The following BCL11B variants were observed in gnomAD, a reference collection of about 807,000 sequenced individuals.
BCL11B encodes B-cell lymphoma/leukemia 11B.
A neutral mutation model predicts 49.9 loss-of-function variants in BCL11B; 8 were observed. The observed-to-expected ratio is 0.16, with a 90% CI of 0.09 to 0.29. BCL11B has a LOEUF of 0.29. Ranked by LOEUF, BCL11B falls within the 10% of genes least tolerant of loss-of-function variation. BCL11B has a pLI of 1.00. For synonymous variants in BCL11B, 739 were observed against 637.4 expected, an observed-to-expected ratio of 1.16 and a Z score of -2.40; for missense variants, 1,006 against 1,351.0, an observed-to-expected ratio of 0.74 and a Z score of 4.00.
At position 99,172,576 on chromosome 14, in the gene BCL11B, T is replaced by C. The variant is rs1482272706; in HGVS notation, c.*1575A>G. The C allele has an allele frequency of 9.6e-6, 2 of 208,744 alleles. No homozygotes were observed. Among genetic ancestry groups the C allele is most frequent in the African/African-American group, 4.6e-5 (2 of 43,914 alleles). 12.9% of individuals were successfully genotyped at this position (208,744 alleles called of 1,614,324 possible). Reference sequence around the variant, plus strand: ...GCACTCACATCAAATTGAATGGCAGTAGAAAAACTGTCCTATAAATTATTA... The same window carrying C: ...GCACTCACATCAAATTGAATGGCAGCAGAAAAACTGTCCTATAAATTATTA... On this transcript the variant is annotated 3_prime_UTR_variant, in exon 4 of 4. Transcript: ENST00000357195.
chr14:99,260,699 G>T (rs1208558240), intron 1 of BCL11B, among the ~76,000 whole-genome samples: 1 of 148,572 alleles, frequency 6.7e-6, no homozygotes, highest in African/African-American at 2.5e-5. Context: ...TCCTTTTTTT[G>T]GCAGTCTCTG....
rs532526086 is a variant in BCL11B at position 99,206,044 on chromosome 14, T to C, written c.640+25301A>G. Among the ~76,000 whole-genome samples, 6 of 152,194 alleles carry C rather than the reference T, an allele frequency of 3.9e-5. No individual in the cohort carries two copies. In the East Asian group the frequency reaches 7.7e-4, roughly 20 times the overall value. ...ACCTGAGCCAGCAAGGTTCATCCAA[T>C]GGAGGCCAGGGCCAGAGGCCTCCTG... On this transcript the variant is annotated intron_variant, in intron 3 of 3. Coordinates refer to ENST00000357195, the MANE Select transcript of BCL11B (RefSeq NM_138576.4).
At position 99,242,499 on chromosome 14, in the gene BCL11B, C is replaced by G. The variant is rs986167292; in HGVS notation, c.428-10942G>C. On this transcript the variant is annotated intron_variant, in intron 2 of 3. Transcript: ENST00000357195. The surrounding 1 kb of genome is among the most constrained non-coding windows in gnomAD (Gnocchi z 4.4). ...GCTCCTGGCTCCAAGCCTGCACCAT[C>G]GCAGACTCCAGGTATCTGCCGTTCC... 5.3e-5 allele frequency among the ~76,000 whole-genome samples: 8 copies of G among 152,184 alleles called. No homozygotes were observed. Among genetic ancestry groups the G allele is most frequent in the Admixed American group, 3.9e-4 (6 of 15,290 alleles).
chr14:99,216,685 G>C (rs183136655), intron 3 of BCL11B, among the ~76,000 whole-genome samples: 1 of 152,286 alleles, frequency 6.6e-6, no homozygotes, highest in Admixed American at 6.5e-5. Flanking sequence ...AGAAAGTTCA[G>C]GGAAGAAAAA....
At chr14:99,268,683 G>C (rs1889558305) in intron 1 of BCL11B, among the ~76,000 whole-genome samples, 1 of 152,084 alleles carries the variant, frequency 6.6e-6, no homozygotes, top group Non-Finnish European at 1.5e-5. Context: ...AGCTGCTTTT[G>C]GATAATAAAT....
chr14:99,227,052 G>A (rs1471834327), intron 3 of BCL11B, among the ~76,000 whole-genome samples: 2 of 152,172 alleles, frequency 1.3e-5, no homozygotes, highest in African/African-American at 4.8e-5. Flanking sequence ...ACTTCACCAA[G>A]TACACATATT....
chr14:99,261,504 AC>A (rs1316056813), intron 1 of BCL11B, among the ~76,000 whole-genome samples: 2 of 152,158 alleles, frequency 1.3e-5, no homozygotes, highest in Non-Finnish European at 2.9e-5. Flanking sequence ...CCAACCTGCC[AC>A]CCAGAGACGA....
chr14:99,268,424 GATAAAGATGTACC>G (rs1443141354), intron 1 of BCL11B, among the ~76,000 whole-genome samples: 1 of 152,098 alleles, frequency 6.6e-6, no homozygotes, highest in Non-Finnish European at 1.5e-5. Context: ...CCACCCAACT[GATAAAGATGTACC>G]ATGTTTTAAG....
intron 3 of BCL11B, among the ~76,000 whole-genome samples, chr14:99,181,681 C>T (rs993944235): frequency 2.6e-5 from 4 of 152,202 alleles, no homozygotes; most frequent in African/African-American, 7.2e-5. Context: ...GAAGGGGAGA[C>T]GTTTCACAGA....
At chr14:99,196,618 G>C (rs893275022) in intron 3 of BCL11B, among the ~76,000 whole-genome samples, 24 of 152,306 alleles carry the variant, frequency 1.6e-4, no homozygotes, top group African/African-American at 5.3e-4. Flanking sequence ...TGTCTTGACA[G>C]ATGCCCCCCA....
At chr14:99,255,023 T>C (rs1413569130) in intron 2 of BCL11B, among the ~76,000 whole-genome samples, 4 of 152,338 alleles carry the variant, frequency 2.6e-5, no homozygotes, top group South Asian at 4.1e-4. Context: ...GCTCCCACCA[T>C]ATTAAATTAC....
In BCL11B at chr14:99,194,098, G is replaced by T; in HGVS notation, c.641-17903C>A. 6.6e-6 allele frequency among the ~76,000 whole-genome samples: 1 copy of T among 152,284 alleles called. No homozygotes were observed. The highest frequency in any genetic ancestry group is 3.4e-3 in the Middle Eastern group (1 of 294). ...TGATTTTGCAAGGAATGGGAATGTCGTGAGAAACGTGCATGACCCCACACA... is the reference window on the plus strand; with the variant it reads ...TGATTTTGCAAGGAATGGGAATGTCTTGAGAAACGTGCATGACCCCACACA... On this transcript the variant is annotated intron_variant, in intron 3 of 3. Coordinates refer to ENST00000357195, the MANE Select transcript of BCL11B (RefSeq NM_138576.4). This position sits in a 1 kb window ranked among gnomAD's most constrained non-coding sequence, Gnocchi z 4.6.
chr14:99,197,862 A>G (rs954190040), intron 3 of BCL11B, among the ~76,000 whole-genome samples: 2 of 152,094 alleles, frequency 1.3e-5, no homozygotes, highest in African/African-American at 4.8e-5. Context: ...CCAGAAGAGG[A>G]CAGCAGACTC....
At chr14:99,252,715 C>T (rs1263484292) in intron 2 of BCL11B, among the ~76,000 whole-genome samples, 1 of 152,266 alleles carries the variant, frequency 6.6e-6, no homozygotes, top group East Asian at 1.9e-4. Context: ...CCGCACTTCT[C>T]CAGAAAACTG....
chr14:99,183,400 G>A (rs867309785), intron 3 of BCL11B, among the ~76,000 whole-genome samples: 1 of 152,102 alleles, frequency 6.6e-6, no homozygotes, highest in Non-Finnish European at 1.5e-5. Context: ...GGACTGCTTG[G>A]ACACCAGCCT....
Position 99,231,628 on chromosome 14 carries a change from G to A in BCL11B, c.428-71C>T. The A allele has an allele frequency of 6.8e-7, 1 of 1,467,584 alleles. No homozygotes were observed. Among genetic ancestry groups the A allele is most frequent in the Non-Finnish European group, 9.3e-7 (1 of 1,080,550 alleles). The allele number at this position is 1,467,584 out of a possible 1,614,324, so 90.9% of individuals were successfully genotyped here. The stretch of plus-strand genomic sequence containing the variant: ...TGTGTGAGGGGCACGGGGTGGGACG[G>A]GGCTCGGGGCGTGGGGCTCTGCTCA... On this transcript the variant is annotated intron_variant, in intron 2 of 3. Coordinates refer to ENST00000357195, the MANE Select transcript of BCL11B (RefSeq NM_138576.4). This position sits in a 1 kb window ranked among gnomAD's most constrained non-coding sequence, Gnocchi z 8.1.
chr14:99,255,480 A>C (rs1024790115), intron 2 of BCL11B, among the ~76,000 whole-genome samples: 7 of 150,204 alleles, frequency 4.7e-5, no homozygotes, highest in African/African-American at 1.5e-4. Context: ...GCTGCCTTGG[A>C]GATTAGCTTT....
chr14:99,181,646 C>T (rs1886706729), intron 3 of BCL11B, among the ~76,000 whole-genome samples: 2 of 152,242 alleles, frequency 1.3e-5, no homozygotes, highest in South Asian at 4.1e-4. Flanking sequence ...GTCAGGTCCA[C>T]CACAGGCCTT....
In BCL11B at chr14:99,205,173, C is replaced by G. The variant is rs776329790; in HGVS notation, c.640+26172G>C. Among the ~76,000 whole-genome samples the G allele has an allele frequency of 1.6e-4, 25 of 152,106 alleles. No homozygotes were observed. Among genetic ancestry groups the G allele is most frequent in the Non-Finnish European group, 2.5e-4 (17 of 68,010 alleles). On this transcript the variant is annotated intron_variant, in intron 3 of 3. Coordinates refer to ENST00000357195, the MANE Select transcript of BCL11B (RefSeq NM_138576.4). This position sits in a 1 kb window ranked among gnomAD's most constrained non-coding sequence, Gnocchi z 5.0. ...AAGAGGGAATTAAAAAAAAAACAGG[C>G]CCTTGAACGAACCGAGGGCCCTCCT...
Sources: allele counts gnomAD v4.1 joint callset (sites outside exome capture counted in the v4.1 genomes callset), GRCh38; gene constraint gnomAD v4.1.1; non-coding constraint Gnocchi (gnomAD v3.1); transcripts MANE v1.5; gene names NCBI Gene and HGNC (gene_info 2026-07-23, HGNC 2026-07-21).